The following AP3B1 variants were observed in gnomAD, a reference collection of about 807,000 sequenced individuals.
AP3B1 encodes AP-3 complex subunit beta-1.
Under a neutral mutation model 132.5 loss-of-function variants are expected in AP3B1, and 61 were observed. That is an observed-to-expected ratio of 0.46 (90% CI 0.37 to 0.57). The LOEUF is 0.57. Ranked by LOEUF, AP3B1 falls within the 20% of genes least tolerant of loss-of-function variation. The pLI is 0.00. For missense variants in AP3B1, 1,120 were observed against 1,289.4 expected (o/e 0.87, Z 2.01); for synonymous variants, 388 against 438.3 (o/e 0.89, Z 1.43).
intron 22 of AP3B1, among the ~76,000 whole-genome samples, chr5:78,067,220 T>A (rs1333234995): frequency 6.6e-6 from 1 of 152,170 alleles, no homozygotes; most frequent in Non-Finnish European, 1.5e-5. Context: ...GAAGAGCTAA[T>A]TAACCTAAAT....
intron 24 of AP3B1, 151 bp downstream of exon 24, chr5:78,034,210 C>G: frequency 1.5e-6 from 1 of 677,316 alleles, no homozygotes; most frequent in Non-Finnish European, 2.7e-6. Flanking sequence ...ATTTGTACAA[C>G]TATTCCAAGG....
Position 78,035,591 on chromosome 5 carries a change from A to G in AP3B1, c.2810-1146T>C, listed in dbSNP as rs560579215. ...TTTATATCTCATAGGCTCAATGAGG[A>G]GTAAGCATTACAAGAGAGTATTTGT... On this transcript the variant is annotated intron_variant, in intron 23 of 26. Coordinates refer to ENST00000255194, the MANE Select transcript of AP3B1 (RefSeq NM_003664.5). Among the ~76,000 whole-genome samples, 6 of 152,212 alleles carry G rather than the reference A, an allele frequency of 3.9e-5. No homozygotes were observed. The South Asian group carries it at 1.2e-3, about 32-fold the overall frequency.
At chr5:78,160,901 T>A (rs1182953707) in intron 13 of AP3B1, among the ~76,000 whole-genome samples, 1 of 151,982 alleles carries the variant, frequency 6.6e-6, no homozygotes, top group Non-Finnish European at 1.5e-5. Flanking sequence ...GTGTAGCATA[T>A]GTGATACAGA....
At position 78,014,557 on chromosome 5, in the gene AP3B1, T is replaced by TA. The variant is rs200804643; in HGVS notation, c.3131+852dup. ...GGCCTCTCTTGCTCCTGTGTTAACTTAAAAAAATGTTTTTTAAGGTCTGCA... is the reference window on the plus strand; with the variant it reads ...GGCCTCTCTTGCTCCTGTGTTAACTTAAAAAAAATGTTTTTTAAGGTCTGCA... On this transcript the variant is annotated intron_variant, in intron 26 of 26. Transcript: ENST00000255194. Among the ~76,000 whole-genome samples the TA allele has an allele frequency of 1.8e-3, 281 of 152,298 alleles. 4 individuals are homozygous for TA. In the East Asian group the frequency reaches 0.036, roughly 20 times the overall value.
At chr5:78,186,270 C>CAGAGCAA (rs1194266440) in intron 7 of AP3B1, among the ~76,000 whole-genome samples, 5 of 152,056 alleles carry the variant, frequency 3.3e-5, no homozygotes, top group Non-Finnish European at 4.4e-5. Flanking sequence ...AAGTACACTT[C>CAGAGCAA]AGAGCAAAGA....
intron 11 of AP3B1, among the ~76,000 whole-genome samples, chr5:78,172,206 T>G (rs996349622): frequency 4.6e-5 from 7 of 152,218 alleles, no homozygotes; most frequent in South Asian, 2.1e-4. Flanking sequence ...TCCTCTTTTT[T>G]TGTGTGTGTC....
chr5:78,237,970 A>G (rs1049756083), intron 3 of AP3B1, among the ~76,000 whole-genome samples: 1 of 152,214 alleles, frequency 6.6e-6, no homozygotes, highest in African/African-American at 2.4e-5. Flanking sequence ...ATAGACTACT[A>G]CACACCTAGG....
At chr5:78,275,601 A>C (rs544821887) in intron 1 of AP3B1, among the ~76,000 whole-genome samples, 12 of 152,084 alleles carry the variant, frequency 7.9e-5, no homozygotes, top group African/African-American at 2.9e-4. Flanking sequence ...TCAGCCTCCC[A>C]AGTAGCTGGG....
intron 1 of AP3B1, among the ~76,000 whole-genome samples, chr5:78,273,573 T>G (rs1267949951): frequency 3.9e-5 from 6 of 151,926 alleles, no homozygotes. Flanking sequence ...AGGACAAAAT[T>G]ACAGAGGAGG....
chr5:78,167,874 G>A (rs1329335614), intron 11 of AP3B1, among the ~76,000 whole-genome samples: 1 of 151,922 alleles, frequency 6.6e-6, no homozygotes, highest in Non-Finnish European at 1.5e-5. Flanking sequence ...GGGAAAGGGT[G>A]GGGGGTGGTG....
chr5:78,141,466 TC>T, intron 14 of AP3B1, 147 bp from the exon 15 acceptor site: 1 of 642,728 alleles, frequency 1.6e-6, no homozygotes, highest in Non-Finnish European at 2.6e-6. Flanking sequence ...TTATGAATTT[TC>T]GTCAGTTATC....
chr5:78,264,365 G>C (rs1308457262), intron 2 of AP3B1, among the ~76,000 whole-genome samples: 1 of 152,130 alleles, frequency 6.6e-6, no homozygotes, highest in African/African-American at 2.4e-5. Context: ...AAAACAGAGA[G>C]AAAAGGTTTC....
At chr5:78,284,321 A>T (rs1322444511) in intron 1 of AP3B1, among the ~76,000 whole-genome samples, 3 of 152,350 alleles carry the variant, frequency 2.0e-5, no homozygotes, top group East Asian at 3.9e-4. Context: ...CATCAGTGCT[A>T]CTATCTAACA....
At chr5:78,248,126 T>G (rs184434786) in intron 2 of AP3B1, among the ~76,000 whole-genome samples, 1 of 152,036 alleles carries the variant, frequency 6.6e-6, no homozygotes, top group Admixed American at 6.5e-5. Context: ...AACAGACATA[T>G]AAATATATAA....
chr5:78,237,388 G>C (rs1381134000), intron 3 of AP3B1, among the ~76,000 whole-genome samples: 3 of 152,006 alleles, frequency 2.0e-5, no homozygotes, highest in African/African-American at 7.3e-5. Flanking sequence ...CAGCTACTCA[G>C]AAGGCTGAGT....
At chr5:78,129,012 C>G in intron 16 of AP3B1, 109 bp downstream of exon 16, 1 of 909,656 alleles carries the variant, frequency 1.1e-6, no homozygotes, top group Non-Finnish European at 1.6e-6. Context: ...TTTATATATG[C>G]GAATCATTTA....
chr5:78,219,336 G>T (rs1418760782), intron 6 of AP3B1, among the ~76,000 whole-genome samples: 1 of 151,972 alleles, frequency 6.6e-6, no homozygotes, highest in East Asian at 1.9e-4. Context: ...AACAAATATG[G>T]ATTGCTACAT....
intron 17 of AP3B1, 36 bp from the exon 18 acceptor site, chr5:78,116,270 T>G: frequency 6.5e-7 from 1 of 1,549,432 alleles, no homozygotes; most frequent in South Asian, 1.1e-5. Flanking sequence ...AAATGAATTC[T>G]CATTCAGAGA....
At chr5:78,252,224 A>T (rs1747667603) in intron 2 of AP3B1, among the ~76,000 whole-genome samples, 1 of 152,150 alleles carries the variant, frequency 6.6e-6, no homozygotes, top group Non-Finnish European at 1.5e-5. Flanking sequence ...AACCACTGAG[A>T]CTTGTTGGCT....
Sources: allele counts gnomAD v4.1 joint callset (sites outside exome capture counted in the v4.1 genomes callset), GRCh38; gene constraint gnomAD v4.1.1; transcripts MANE v1.5; gene names NCBI Gene and HGNC (gene_info 2026-07-23, HGNC 2026-07-21).